The following LLGL2 variants were observed in gnomAD, a reference collection of about 807,000 sequenced individuals.
LLGL2 encodes LLGL2, scribble cell polarity complex component.
A neutral mutation model predicts 123.2 loss-of-function variants in LLGL2; 81 were observed. That is an observed-to-expected ratio of 0.66 (90% CI 0.55 to 0.79). The LOEUF (loss-of-function observed/expected upper bound fraction) is 0.79. Ranked by LOEUF, LLGL2 falls within the 30% of genes least tolerant of loss-of-function variation. LLGL2 has a pLI of 0.00. For missense variants in LLGL2, 1,273 were observed against 1,414.6 expected, an observed-to-expected ratio of 0.90 and a Z score of 1.61; for synonymous variants, 577 against 594.1, an observed-to-expected ratio of 0.97 and a Z score of 0.42.
intron 6 of LLGL2, among the ~76,000 whole-genome samples, chr17:75,560,827 A>AC (rs1299087740): frequency 1.8e-5 from 2 of 111,650 alleles, no homozygotes; most frequent in African/African-American, 5.1e-5. Context: ...AAAAAAAAAA[A>AC]AAAAACAAAG....
At chr17:75,553,011 G>A (rs773927016) in intron 2 of LLGL2, among the ~76,000 whole-genome samples, 6 of 152,210 alleles carry the variant, frequency 3.9e-5, no homozygotes, top group Non-Finnish European at 7.3e-5. Context: ...AGACGGCTCC[G>A]GCTGCTGACT....
intron 21 of LLGL2, 76 bp downstream of exon 21, chr17:75,573,707 T>C: frequency 8.5e-7 from 1 of 1,170,660 alleles, no homozygotes. Context: ...AGGCTCCCAC[T>C]GCTGCCTGGC....
rs2053968749 is a variant in LLGL2 at position 75,535,551 on chromosome 17, C to T, written c.-30-7846C>T. Among the ~76,000 whole-genome samples, 3 of 152,254 alleles carry T rather than the reference C, an allele frequency of 2.0e-5. No homozygotes were observed. The South Asian group carries it at 6.2e-4, about 31-fold the overall frequency. Reference sequence around the variant, plus strand: ...TCTCCAGGCCAGAGGGCTGGCTGGGCTTGGCCAAGCCTTGGTCTCACAGGG... The same window carrying T: ...TCTCCAGGCCAGAGGGCTGGCTGGGTTTGGCCAAGCCTTGGTCTCACAGGG... On this transcript the variant is annotated intron_variant, in intron 1 of 25. Transcript: ENST00000392550.
chr17:75,529,064 G>A (rs940124415), intron 1 of LLGL2, among the ~76,000 whole-genome samples: 3 of 151,778 alleles, frequency 2.0e-5, no homozygotes, highest in South Asian at 2.1e-4. Context: ...GCTGAGGCAG[G>A]AGAATCGCTT....
intron 2 of LLGL2, among the ~76,000 whole-genome samples, chr17:75,554,930 G>A (rs1358564679): frequency 1.4e-5 from 2 of 147,974 alleles, no homozygotes; most frequent in East Asian, 2.1e-4. Context: ...GGTGGCTCAC[G>A]CTTGTAATCC....
At chr17:75,563,887 A>G (rs1168362681) in intron 9 of LLGL2, 81 bp downstream of exon 9, 29 of 1,374,872 alleles carry the variant, frequency 2.1e-5, no homozygotes, top group Non-Finnish European at 3.0e-5. Flanking sequence ...CTGCCTGGGA[A>G]GTTGGTGCCA....
chr17:75,530,751 C>T (rs2053756195), intron 1 of LLGL2, among the ~76,000 whole-genome samples: 1 of 152,056 alleles, frequency 6.6e-6, no homozygotes, highest in Non-Finnish European at 1.5e-5. Context: ...TTTGAGGCTG[C>T]AGTGAACTAT....
rs2055035392 is a variant in LLGL2, at chr17:75,558,736, C to G, written c.371+109C>G. 3 of 871,392 alleles carry G rather than the reference C, an allele frequency of 3.4e-6. No individual in the cohort carries two copies. The Admixed American group carries it at 6.4e-5, about 19-fold the overall frequency. The allele number at this position is 871,392 out of a possible 1,614,324, so 54.0% of individuals were successfully genotyped here. On this transcript the variant is annotated intron_variant, in intron 5 of 25. Coordinates refer to ENST00000392550, the MANE Select transcript of LLGL2 (RefSeq NM_001031803.2). The surrounding 1 kb of genome is among the most constrained non-coding windows in gnomAD (Gnocchi z 4.0). ...AGGCCTGTTGCGCCCCTGGCAGTGA[C>G]TGGCATGCGTTTGGCCCGATGCATC... is the stretch of plus-strand genomic sequence containing the variant.
chr17:75,525,723 G>C lies in LLGL2; in HGVS notation c.-133G>C, dbSNP rs1396100588. On this transcript the variant is annotated 5_prime_UTR_variant, in exon 1 of 26. Coordinates refer to ENST00000392550, the MANE Select transcript of LLGL2 (RefSeq NM_001031803.2). The surrounding 1 kb of genome is among the most constrained non-coding windows in gnomAD (Gnocchi z 4.8). Reference sequence around the variant, plus strand: ...CGCCGGAGGTGAGCAGGAAGGAGACGGCCGCCCAGCAGCCCGTGGGCAGGC... The same window carrying C: ...CGCCGGAGGTGAGCAGGAAGGAGACCGCCGCCCAGCAGCCCGTGGGCAGGC... The C allele has an allele frequency of 2.0e-5, 3 of 150,808 alleles. No individual in the cohort carries two copies. The highest frequency in any genetic ancestry group is 4.4e-5 in the Non-Finnish European group (3 of 67,538). The allele number at this position is 150,808 out of a possible 1,614,324, so 9.3% of individuals were successfully genotyped here. A position where few individuals can be genotyped will look rare whatever the true frequency, so the allele number is the denominator to read the frequency against.
chr17:75,557,412 A>T (rs1176731853), intron 3 of LLGL2, among the ~76,000 whole-genome samples: 1 of 152,134 alleles, frequency 6.6e-6, no homozygotes, highest in Non-Finnish European at 1.5e-5. Context: ...GTCATCTTTT[A>T]TCCAGAGCAC....
At chr17:75,565,890 G>A (rs1437970507) in intron 10 of LLGL2, among the ~76,000 whole-genome samples, 3 of 152,198 alleles carry the variant, frequency 2.0e-5, no homozygotes, top group Non-Finnish European at 4.4e-5. Context: ...TATATGCCAG[G>A]CCCTGTTCTA....
At chr17:75,550,226 C>A (rs73364218) in intron 2 of LLGL2, among the ~76,000 whole-genome samples, 15,772 of 152,248 alleles carry the variant, frequency 0.1, 1,071 homozygotes, top group African/African-American at 0.18. Context: ...TGAGTGCAGC[C>A]GCGATTCAGG....
chr17:75,541,715 C>CTTTTTTTTTTTTT (rs56656168), intron 1 of LLGL2, among the ~76,000 whole-genome samples: 2 of 31,544 alleles, frequency 6.3e-5, no homozygotes, highest in South Asian at 1.6e-3. Flanking sequence ...TGTGGCTCTG[C>CTTTTTTTTTTTTT]TTTTTTTTTT....
At position 75,568,996 on chromosome 17, in the gene LLGL2, G is replaced by A; in HGVS notation, c.1341G>A (p.Val447=). The change falls in exon 13 of 26, where the codon GTG becomes GTA. Residue 447 remains valine, a synonymous_variant. Transcript: ENST00000392550. Reference sequence around the variant, plus strand: ...CCCACAGGCACGAGGACGGCACGGTGCGGTTCTGGGATGCCTCGGGTGTCT... The same window carrying A: ...CCCACAGGCACGAGGACGGCACGGTACGGTTCTGGGATGCCTCGGGTGTCT... ...LLLTGHEDGT[V]RFWDASGVCL... is the part of the protein sequence containing the mutation. 1 of 1,613,204 alleles carries A rather than the reference G, an allele frequency of 6.2e-7. No homozygotes were observed. Among genetic ancestry groups the A allele is most frequent in the Non-Finnish European group, 8.5e-7 (1 of 1,179,782 alleles).
At chr17:75,525,323 G>T (rs552648297), upstream of LLGL2, 40 of 152,364 alleles carry the variant, frequency 2.6e-4, no homozygotes, top group African/African-American at 9.6e-4. The surrounding 1 kb of genome is among the most constrained non-coding windows in gnomAD (Gnocchi z 4.8). Flanking sequence ...GAGCTGGCCC[G>T]GATCCGCCCC....
intron 9 of LLGL2, among the ~76,000 whole-genome samples, 172 bp downstream of exon 9, chr17:75,563,978 G>A (rs778318974): frequency 1.1e-4 from 17 of 152,170 alleles, no homozygotes; most frequent in Non-Finnish European, 2.2e-4. Flanking sequence ...GTCTCTCAGC[G>A]GCCCAATTCC....
rs772182323 is a variant in LLGL2, at chr17:75,570,247, C to A, written c.1866C>A (p.Val622=). The change falls in exon 15 of 26, where the codon GTC becomes GTA. Residue 622 remains valine, a synonymous_variant. Coordinates refer to ENST00000392550, the MANE Select transcript of LLGL2 (RefSeq NM_001031803.2). ...TTGACCACCAGCAGCGGCGGCAGGT[C>A]TTTGTTAAGTGAGCAGGGGCGGCTG... The part of the protein sequence containing the change: ...GLFDHQQRRQ[V]FVKCTLHPSD... 1 of 1,601,608 alleles carries A rather than the reference C, an allele frequency of 6.2e-7. No homozygotes were observed. The highest frequency in any genetic ancestry group is 1.3e-5 in the African/African-American group (1 of 74,858).
At chr17:75,566,234 G>A (rs911629749) in intron 10 of LLGL2, among the ~76,000 whole-genome samples, 5 of 152,240 alleles carry the variant, frequency 3.3e-5, no homozygotes, top group African/African-American at 1.2e-4. Context: ...GAGCCGTGGA[G>A]GCACGGTAAG....
intron 6 of LLGL2, among the ~76,000 whole-genome samples, chr17:75,561,656 C>T (rs148946558): frequency 1.6e-3 from 246 of 152,140 alleles, no homozygotes; most frequent in African/African-American, 5.1e-3. Flanking sequence ...CGCGGTGGCT[C>T]ACGCCTGTGA....
Sources: allele counts gnomAD v4.1 joint callset (sites outside exome capture counted in the v4.1 genomes callset), GRCh38; gene constraint gnomAD v4.1.1; non-coding constraint Gnocchi (gnomAD v3.1); transcripts MANE v1.5; gene names NCBI Gene and HGNC (gene_info 2026-07-23, HGNC 2026-07-21).